Variants in KAZN observed in about 807,000 individuals in gnomAD.
KAZN encodes the protein kazrin.
KAZN carries 40 observed loss-of-function variants against 87.4 expected under a neutral mutation model. The ratio of observed to expected loss-of-function variants is 0.46; its 90% CI spans 0.36 to 0.60. The LOEUF is 0.60. Ranked by LOEUF, KAZN falls within the 20% of genes least tolerant of loss-of-function variation. The pLI, the probability that KAZN is intolerant of heterozygous loss-of-function variation, is 0.00. For synonymous variants in KAZN, 466 were observed against 458.3 expected (o/e 1.02, Z -0.22); for missense variants, 898 against 1,073.9 (o/e 0.84, Z 2.29).
intron 2 of KAZN, among the ~76,000 whole-genome samples, chr1:14,448,454 A>G (rs1667101253): frequency 6.6e-6 from 1 of 152,258 alleles, no homozygotes; most frequent in Non-Finnish European, 1.5e-5. Flanking sequence ...CTCCATCACC[A>G]AGATGAATCT....
Position 14,535,535 on chromosome 1 carries a change from G to A in KAZN, c.250-63448G>A, listed in dbSNP as rs567519601. On this transcript the variant is annotated intron_variant, in intron 2 of 16. Coordinates refer to the KAZN transcript ENST00000636203. The stretch of plus-strand genomic sequence containing the variant: ...ACAAAACTTAGCTGGGCGTGGTGGC[G>A]CATGCCTGTAATCCCAGCTCCTCGG... 9.1e-4 allele frequency among the ~76,000 whole-genome samples: 138 copies of A among 152,108 alleles called. 1 individual carries two copies. The highest frequency in any genetic ancestry group is 2.2e-3 in the African/African-American group (93 of 41,508).
chr1:14,144,926 C>T (rs947464298), intron 1 of KAZN, among the ~76,000 whole-genome samples: 1 of 152,218 alleles, frequency 6.6e-6, no homozygotes, highest in Non-Finnish European at 1.5e-5. Context: ...AATAGCCTTC[C>T]ATCAGGCCCC....
intron 2 of KAZN, among the ~76,000 whole-genome samples, chr1:14,453,963 G>A (rs1667423481): frequency 1.3e-5 from 2 of 152,124 alleles, no homozygotes; most frequent in East Asian, 3.9e-4. Flanking sequence ...GACATAAAAG[G>A]CCTTGCAAAA....
intron 2 of KAZN, among the ~76,000 whole-genome samples, chr1:15,030,665 TCCCACCCACTGCCTGAGGCCTGCAGGG>T (rs1467793116): frequency 6.6e-6 from 1 of 152,220 alleles, no homozygotes; most frequent in African/African-American, 2.4e-5. Context: ...TGCCGGGGCC[TCCCACCCACTGCCTGAGGCCTGCAGGG>T]CCCACCCGCT....
At chr1:14,357,458 T>C (rs1057507565) in intron 2 of KAZN, among the ~76,000 whole-genome samples, 1 of 152,206 alleles carries the variant, frequency 6.6e-6, no homozygotes, top group African/African-American at 2.4e-5. Context: ...TCCAATACTA[T>C]GTTGAATAAA....
chr1:13,995,809 T>C (rs997092189), intron 1 of KAZN, among the ~76,000 whole-genome samples: 25 of 152,212 alleles, frequency 1.6e-4, no homozygotes, highest in African/African-American at 6.0e-4. Flanking sequence ...GACAGCCTAT[T>C]GTGGGACCTT....
At chr1:14,575,208 A>T (rs938179402) in intron 2 of KAZN, among the ~76,000 whole-genome samples, 1 of 151,942 alleles carries the variant, frequency 6.6e-6, no homozygotes, top group Non-Finnish European at 1.5e-5. Flanking sequence ...GGAAGGAGAT[A>T]AGAGTGGGGT....
At chr1:14,929,708 T>G in intron 1 of KAZN, 1 of 901,154 alleles carries the variant, frequency 1.1e-6, no homozygotes, top group Non-Finnish European at 1.3e-6. Context: ...ACAGGCATGG[T>G]TATAAGGGGT....
At chr1:14,301,577 G>T (rs2100781216) in intron 2 of KAZN, among the ~76,000 whole-genome samples, 1 of 152,342 alleles carries the variant, frequency 6.6e-6, no homozygotes, top group Non-Finnish European at 1.5e-5. Context: ...TGACAAGGCG[G>T]CTCTGCCTGT....
At chr1:13,927,504 T>C (rs772436949) in intron 1 of KAZN, among the ~76,000 whole-genome samples, 21 of 152,342 alleles carry the variant, frequency 1.4e-4, no homozygotes, top group Non-Finnish European at 2.1e-4. Flanking sequence ...GTTAGGAGTT[T>C]GGTCTGTGTC....
At chr1:14,432,494 G>A (rs368283926) in intron 2 of KAZN, among the ~76,000 whole-genome samples, 11 of 152,254 alleles carry the variant, frequency 7.2e-5, no homozygotes, top group African/African-American at 2.6e-4. Context: ...CTGATGGTTT[G>A]TACTGTCCTT....
intron 1 of KAZN, among the ~76,000 whole-genome samples, chr1:14,944,875 T>C (rs140848571): frequency 8.5e-5 from 13 of 152,348 alleles, no homozygotes; most frequent in African/African-American, 3.1e-4. Flanking sequence ...CATCCTGTTC[T>C]GGGCAGGGCA....
At chr1:13,963,590 C>A (rs1051174300) in intron 1 of KAZN, among the ~76,000 whole-genome samples, 7 of 152,160 alleles carry the variant, frequency 4.6e-5, no homozygotes, top group African/African-American at 1.4e-4. Flanking sequence ...ATCATCCAGG[C>A]AATTATAGAA....
chr1:13,994,531 A>G (rs1284651113), intron 1 of KAZN, among the ~76,000 whole-genome samples: 2 of 152,198 alleles, frequency 1.3e-5, no homozygotes, highest in African/African-American at 4.8e-5. Context: ...GAGCCCCAAC[A>G]TGCTTGGAGC....
chr1:14,494,595 G>A (rs1317689629), intron 2 of KAZN, among the ~76,000 whole-genome samples: 2 of 152,176 alleles, frequency 1.3e-5, no homozygotes, highest in Non-Finnish European at 2.9e-5. Flanking sequence ...AATCTCCAGT[G>A]TGGCAAGGCA....
intron 1 of KAZN, among the ~76,000 whole-genome samples, chr1:14,827,794 T>A (rs1367246765): frequency 6.6e-6 from 1 of 152,208 alleles, no homozygotes; most frequent in Non-Finnish European, 1.5e-5. Context: ...AGTGGGCATG[T>A]CTATGGGATT....
At chr1:14,688,140 C>T (rs1033463526) in intron 1 of KAZN, among the ~76,000 whole-genome samples, 2 of 152,244 alleles carry the variant, frequency 1.3e-5, no homozygotes, top group African/African-American at 4.8e-5. Flanking sequence ...TCTGCTTTTA[C>T]TGTCTTCATA....
intron 2 of KAZN, among the ~76,000 whole-genome samples, chr1:14,535,431 G>A (rs942057469): frequency 7.9e-5 from 12 of 152,234 alleles, no homozygotes; most frequent in African/African-American, 2.4e-4. Context: ...ACTTTGGGAG[G>A]CCAAGGCGGG....
intron 2 of KAZN, among the ~76,000 whole-genome samples, chr1:14,487,656 T>C (rs1669418921): frequency 6.6e-6 from 1 of 152,222 alleles, no homozygotes; most frequent in South Asian, 2.1e-4. Flanking sequence ...GTTCTCTCTG[T>C]GTGACAACTG....
Sources: gnomAD v4.1 joint callset for allele counts (sites outside exome capture counted in the v4.1 genomes callset) on GRCh38, gnomAD v4.1.1 for gene constraint, MANE v1.5 for transcripts, NCBI Gene and HGNC (gene_info 2026-07-23, HGNC 2026-07-21) for gene names.